SPAG16: variants seen among roughly 807,000 people sequenced by gnomAD.
The protein encoded by SPAG16 is sperm associated antigen 16.
SPAG16 carries 86 observed loss-of-function variants against 80.4 expected under a neutral mutation model. The observed-to-expected ratio is 1.07, with a 90% CI of 0.90 to 1.28. The LOEUF is 1.28. Among genes scored for constraint, SPAG16 ranks in the 50% most tolerant of loss-of-function variants. The pLI, the probability that SPAG16 is intolerant of heterozygous loss-of-function variation, is 0.00. For missense variants in SPAG16, 870 were observed against 765.3 expected (o/e 1.14, Z -1.61); for synonymous variants, 294 against 265.9 (o/e 1.11, Z -1.03).
At chr2:213,617,272 T>A (rs2125040211) in intron 10 of SPAG16, among the ~76,000 whole-genome samples, 1 of 152,256 alleles carries the variant, frequency 6.6e-6, no homozygotes, top group East Asian at 1.9e-4. Flanking sequence ...GGCATTTAAA[T>A]GCTGATGATG....
At chr2:213,297,059 T>A in intron 2 of SPAG16, 2 of 1,403,558 alleles carry the variant, frequency 1.4e-6, no homozygotes, top group Non-Finnish European at 1.9e-6. Context: ...CTGAATTTAT[T>A]AGAAGTGACG....
At chr2:213,932,594 T>G (rs1370323719) in intron 12 of SPAG16, among the ~76,000 whole-genome samples, 1 of 152,170 alleles carries the variant, frequency 6.6e-6, no homozygotes, top group East Asian at 1.9e-4. Context: ...TTCTTCTCTT[T>G]TCACACCCGT....
chr2:214,181,419 G>T (rs144680463), intron 15 of SPAG16, among the ~76,000 whole-genome samples: 2 of 151,680 alleles, frequency 1.3e-5, no homozygotes, highest in African/African-American at 4.8e-5. Context: ...GCATCCCAAG[G>T]CATCCCAGGG....
intron 10 of SPAG16, among the ~76,000 whole-genome samples, chr2:213,777,894 T>A (rs2069703162): frequency 6.6e-6 from 1 of 152,172 alleles, no homozygotes; most frequent in South Asian, 2.1e-4. Flanking sequence ...CTCCAAGTTT[T>A]TTTTACAGGC....
chr2:213,994,178 A>G (rs1357793236), intron 12 of SPAG16, among the ~76,000 whole-genome samples: 2 of 152,142 alleles, frequency 1.3e-5, no homozygotes, highest in East Asian at 1.9e-4. Flanking sequence ...GAAAGTATTA[A>G]TTAGTTCACT....
intron 10 of SPAG16, among the ~76,000 whole-genome samples, chr2:213,582,713 A>G (rs1179773007): frequency 6.6e-6 from 1 of 152,172 alleles, no homozygotes; most frequent in Non-Finnish European, 1.5e-5. Flanking sequence ...TAATGCTTGA[A>G]AATTACTTTT....
chr2:214,026,298 G>T (rs1308368152), intron 13 of SPAG16, among the ~76,000 whole-genome samples: 1 of 150,772 alleles, frequency 6.6e-6, no homozygotes, highest in Admixed American at 6.6e-5. Context: ...TATTAGTTTA[G>T]AACTAATAAA....
At chr2:214,344,314 G>C (rs1697919668) in intron 15 of SPAG16, among the ~76,000 whole-genome samples, 1 of 152,044 alleles carries the variant, frequency 6.6e-6, no homozygotes, top group Non-Finnish European at 1.5e-5. Flanking sequence ...TGGCTTTCCT[G>C]GTACTACGGA....
At chr2:213,323,625 A>G (rs1406566273) in intron 5 of SPAG16, among the ~76,000 whole-genome samples, 1 of 152,214 alleles carries the variant, frequency 6.6e-6, no homozygotes, top group African/African-American at 2.4e-5. Context: ...CTGGGTATTT[A>G]TTTGAAGTGA....
At chr2:213,702,751 C>T (rs1339713029) in intron 10 of SPAG16, among the ~76,000 whole-genome samples, 1 of 152,098 alleles carries the variant, frequency 6.6e-6, no homozygotes, top group Non-Finnish European at 1.5e-5. Context: ...ATTAAAATCT[C>T]AAAATGTATT....
intron 15 of SPAG16, among the ~76,000 whole-genome samples, chr2:214,303,817 TA>T (rs1694729811): frequency 6.6e-6 from 1 of 152,218 alleles, no homozygotes; most frequent in South Asian, 2.1e-4. Flanking sequence ...TTTTGGTTTT[TA>T]AAATTTTTCT....
At chr2:214,059,743 G>A (rs1403949904) in intron 13 of SPAG16, among the ~76,000 whole-genome samples, 1 of 123,624 alleles carries the variant, frequency 8.1e-6, no homozygotes, top group Non-Finnish European at 1.8e-5. Context: ...TACCCTTTAA[G>A]GTTATTTTTT....
At chr2:214,168,336 G>A (rs1313079770) in intron 15 of SPAG16, among the ~76,000 whole-genome samples, 1 of 151,970 alleles carries the variant, frequency 6.6e-6, no homozygotes, top group Admixed American at 6.6e-5. Flanking sequence ...TCTGTAAAAT[G>A]AGAATAACAA....
intron 12 of SPAG16, among the ~76,000 whole-genome samples, chr2:213,991,963 G>T (rs1420187989): frequency 6.6e-6 from 1 of 151,982 alleles, no homozygotes; most frequent in African/African-American, 2.4e-5. Context: ...GCATGTTGCT[G>T]CGAGTAGGGC....
At chr2:213,955,402 C>G (rs936556337) in intron 12 of SPAG16, among the ~76,000 whole-genome samples, 1 of 152,116 alleles carries the variant, frequency 6.6e-6, no homozygotes, top group Non-Finnish European at 1.5e-5. Flanking sequence ...TGGATGTTCA[C>G]TTGTTCAAAC....
chr2:213,554,668 T>G (rs534656325), intron 10 of SPAG16, among the ~76,000 whole-genome samples: 4 of 150,904 alleles, frequency 2.7e-5, no homozygotes, highest in Admixed American at 2.0e-4. Flanking sequence ...AAATCAAAAT[T>G]ATAAAAAATA....
chr2:214,116,472 A>T (rs955032687), intron 14 of SPAG16, among the ~76,000 whole-genome samples: 1 of 152,062 alleles, frequency 6.6e-6, no homozygotes, highest in Non-Finnish European at 1.5e-5. Flanking sequence ...CTATGCAAAG[A>T]CCTGCTGGGA....
chr2:213,741,139 T>C (rs1321772413), intron 10 of SPAG16, among the ~76,000 whole-genome samples: 1 of 152,160 alleles, frequency 6.6e-6, no homozygotes, highest in East Asian at 1.9e-4. Context: ...CTTATTAATC[T>C]TTATTAAAGG....
intron 6 of SPAG16, among the ~76,000 whole-genome samples, chr2:213,342,150 TCAAC>T (rs1228850693): frequency 8.6e-5 from 13 of 151,782 alleles, no homozygotes; most frequent in African/African-American, 3.1e-4. Flanking sequence ...TTAAAATTCT[TCAAC>T]CATCCACAGA....
Sources: gnomAD v4.1 joint callset for allele counts (sites outside exome capture counted in the v4.1 genomes callset) on GRCh38, gnomAD v4.1.1 for gene constraint, MANE v1.5 for transcripts, NCBI Gene and HGNC (gene_info 2026-07-23, HGNC 2026-07-21) for gene names.